RASGRP3: variants seen among roughly 807,000 people sequenced by gnomAD.
RASGRP3 encodes the protein RAS guanyl releasing protein 3.
Under a neutral mutation model 82.7 loss-of-function variants are expected in RASGRP3, and 54 were observed. The observed-to-expected ratio is 0.65, with a 90% CI of 0.52 to 0.82. The LOEUF is 0.82. Ranked by LOEUF, RASGRP3 falls within the 40% of genes least tolerant of loss-of-function variation. The probability of loss-of-function intolerance (pLI) is 0.00; values close to 1 mark genes in which losing one functional copy is unlikely to be tolerated. For missense variants in RASGRP3, 861 were observed against 828.9 expected (o/e 1.04, Z -0.48); for synonymous variants, 309 against 300.5 (o/e 1.03, Z -0.29).
chr2:33,467,462 A>G (rs1406373505), intron 2 of RASGRP3, among the ~76,000 whole-genome samples: 1 of 152,228 alleles, frequency 6.6e-6, no homozygotes, highest in Non-Finnish European at 1.5e-5. Context: ...TGTAAGAAAA[A>G]AAGAGAAGGT....
At chr2:33,506,277 A>G (rs568129856) in intron 1 of RASGRP3, among the ~76,000 whole-genome samples, 1 of 152,354 alleles carries the variant, frequency 6.6e-6, no homozygotes, top group South Asian at 2.1e-4. Flanking sequence ...AACTGATCTA[A>G]TGGGCAGGCC....
intron 9 of RASGRP3, 49 bp from the exon 10 acceptor site, chr2:33,527,088 T>G (rs373731995): frequency 1.1e-4 from 171 of 1,595,554 alleles, no homozygotes; most frequent in Non-Finnish European, 1.4e-4. Flanking sequence ...CCCGGGGGTG[T>G]GCAGGAGGGA....
At chr2:33,470,380 ATTTT>A (rs34404371) in intron 2 of RASGRP3, among the ~76,000 whole-genome samples, 6 of 132,212 alleles carry the variant, frequency 4.5e-5, no homozygotes, top group Admixed American at 1.5e-4. Context: ...ATAACTAAGA[ATTTT>A]TTTTTTTTTT....
intron 1 of RASGRP3, among the ~76,000 whole-genome samples, chr2:33,484,747 T>A (rs1001517672): frequency 6.6e-6 from 1 of 152,194 alleles, no homozygotes; most frequent in Non-Finnish European, 1.5e-5. Context: ...GTAGACAGAT[T>A]AGCACTCTTG....
chr2:33,558,525 T>G (rs1676270441), intron 16 of RASGRP3, 147 bp from the exon 17 acceptor site: 1 of 1,122,148 alleles, frequency 8.9e-7, no homozygotes, highest in Non-Finnish European at 1.2e-6. Flanking sequence ...CTCAGGAATA[T>G]GTAACTTGCC....
At chr2:33,519,880 CA>C (rs1671849947) in intron 4 of RASGRP3, 71 bp from the exon 5 acceptor site, 20 of 1,038,106 alleles carry the variant, frequency 1.9e-5, no homozygotes, top group Non-Finnish European at 2.5e-5. Flanking sequence ...AATTGGTATA[CA>C]TTGAGGGCAC....
chr2:33,559,053 A>G lies in RASGRP3; in HGVS notation c.2064+23A>G, dbSNP rs373588348. The G allele has an allele frequency of 1.2e-5, 19 of 1,542,920 alleles. No homozygotes were observed. The African/African-American group carries it at 2.3e-4, about 19-fold the overall frequency. ...GAGGTAAGTGCTAGGTCAACCCACAAAGAAAACCAGAAGAAGGAGGCTGAA... is the reference window on the plus strand; with the variant it reads ...GAGGTAAGTGCTAGGTCAACCCACAGAGAAAACCAGAAGAAGGAGGCTGAA... On this transcript the variant is annotated intron_variant, in intron 17 of 17. Transcript: ENST00000403687.
At chr2:33,514,646 C>G (rs1256074462) in intron 2 of RASGRP3, among the ~76,000 whole-genome samples, 3 of 151,782 alleles carry the variant, frequency 2.0e-5, no homozygotes, top group African/African-American at 7.3e-5. Context: ...GATCGCACTA[C>G]TGCACTCCTG....
intron 2 of RASGRP3, among the ~76,000 whole-genome samples, chr2:33,461,061 G>T (rs1380195369): frequency 1.3e-5 from 2 of 152,258 alleles, no homozygotes; most frequent in African/African-American, 4.8e-5. Context: ...CAACCAAGAA[G>T]ATTTATTGAG....
rs142935281 is a variant in RASGRP3 at position 33,519,717 on chromosome 2, C to A, written c.174-235C>A. Among the ~76,000 whole-genome samples, 246 of 152,338 alleles carry A rather than the reference C, an allele frequency of 1.6e-3. 1 individual carries two copies. Among genetic ancestry groups the A allele is most frequent in the African/African-American group, 5.7e-3 (236 of 41,584 alleles). On this transcript the variant is annotated intron_variant, in intron 4 of 17. Transcript: ENST00000403687. Reference sequence around the variant, plus strand: ...TTAATAAGTGTGGAGGAAGGCAAAACTAATCCTGTAAGTGGCTTCTTCTTC... The same window carrying A: ...TTAATAAGTGTGGAGGAAGGCAAAAATAATCCTGTAAGTGGCTTCTTCTTC...
In RASGRP3 at chr2:33,517,129, C is replaced by G. The variant is rs376301409; in HGVS notation, c.173+485C>G. On this transcript the variant is annotated intron_variant, in intron 4 of 17. Coordinates refer to ENST00000403687, the MANE Select transcript of RASGRP3 (RefSeq NM_001139488.2). ...AAGACACAATGAACATTCTAGCAGA[C>G]TTATTATAATTTGTTGACTGATACT... Among the ~76,000 whole-genome samples the G allele has an allele frequency of 3.3e-5, 5 of 152,156 alleles. No homozygotes were observed. In the East Asian group the frequency reaches 5.8e-4, roughly 18 times the overall value.
Position 33,515,143 on chromosome 2 carries a change from T to A in RASGRP3, c.7T>A (p.Ser3Thr), listed in dbSNP as rs368361129. 4.3e-6 allele frequency: 7 copies of A among 1,613,804 alleles called. No homozygotes were observed. Among genetic ancestry groups the A allele is most frequent in the Middle Eastern group, 1.6e-4 (1 of 6,084 alleles). MGSSGLGKAATLD... is the reference protein window; with the variant it reads MGTSGLGKAATLD... ...TGACAACGGCTAAATAACCATGGGA[T>A]CAAGTGGCCTTGGGAAAGCAGCAAC... The change falls in exon 3 of 18, where the codon TCA (serine) becomes ACA (threonine). Residue 3 changes from serine to threonine, a missense_variant. Ser to Thr is a moderately conservative substitution (Grantham distance 58, BLOSUM62 1). Transcript: ENST00000403687.
At chr2:33,506,105 GGTTATTGACTTCT>G (rs1192169446) in intron 1 of RASGRP3, among the ~76,000 whole-genome samples, 2 of 152,168 alleles carry the variant, frequency 1.3e-5, no homozygotes, top group Non-Finnish European at 2.9e-5. Flanking sequence ...GCTCTGAGCT[GGTTATTGACTTCT>G]GTTCAGTACT....
intron 1 of RASGRP3, among the ~76,000 whole-genome samples, chr2:33,480,074 G>A (rs187632833): frequency 8.5e-4 from 113 of 132,946 alleles, no homozygotes; most frequent in Middle Eastern, 9.1e-3. Context: ...AGACAGTCTC[G>A]CTCTGTCGCC....
At chr2:33,461,407 T>C (rs928797850) in intron 2 of RASGRP3, among the ~76,000 whole-genome samples, 9 of 152,158 alleles carry the variant, frequency 5.9e-5, no homozygotes, top group Admixed American at 4.6e-4. Flanking sequence ...GCCTCCTGAG[T>C]AGCTGGAATT....
At chr2:33,455,845 G>A (rs987097934) in intron 2 of RASGRP3, among the ~76,000 whole-genome samples, 2 of 152,110 alleles carry the variant, frequency 1.3e-5, no homozygotes, top group South Asian at 2.1e-4. Flanking sequence ...ACACCTCCTG[G>A]GGGGAGGAAG....
intron 2 of RASGRP3, among the ~76,000 whole-genome samples, chr2:33,465,996 C>T (rs1389593914): frequency 6.6e-6 from 1 of 151,310 alleles, no homozygotes; most frequent in Non-Finnish European, 1.5e-5. Context: ...AGGAAGGATT[C>T]CTTCTTACTG....
intron 6 of RASGRP3, 69 bp from the exon 7 acceptor site, chr2:33,521,886 T>C: frequency 2.0e-6 from 3 of 1,528,696 alleles, no homozygotes; most frequent in Non-Finnish European, 2.6e-6. Context: ...GCAGAGTCAG[T>C]AGGTTAATAA....
Position 33,558,918 on chromosome 2 carries a change from C to T in RASGRP3, c.1952C>T (p.Ala651Val), listed in dbSNP as rs376151198. 6.2e-6 allele frequency: 10 copies of T among 1,613,848 alleles called. No individual in the cohort carries two copies. Among genetic ancestry groups the T allele is most frequent in the African/African-American group, 5.3e-5 (4 of 74,902 alleles). The part of the protein sequence containing the change: ...HDKAAKDKGF[A>V]KWENEKPRVH... ...AAAGCAGCAAAGGACAAAGGCTTTGCCAAATGGGAAAATGAGAAGCCCAGG... is the reference window on the plus strand; with the variant it reads ...AAAGCAGCAAAGGACAAAGGCTTTGTCAAATGGGAAAATGAGAAGCCCAGG... The change falls in exon 17 of 18, where the codon GCC becomes GTC. Residue 651 changes from alanine (A) to valine (V), a missense_variant. By Grantham distance (64) the Ala-to-Val change is moderately conservative. Transcript: ENST00000403687.
Sources: gnomAD v4.1 joint callset for allele counts (sites outside exome capture counted in the v4.1 genomes callset) on GRCh38, gnomAD v4.1.1 for gene constraint, MANE v1.5 for transcripts, NCBI Gene and HGNC (gene_info 2026-07-23, HGNC 2026-07-21) for gene names.